Variants in SVOPL observed in about 807,000 individuals in gnomAD.
SVOPL encodes putative transporter SVOPL.
A neutral mutation model predicts 61.0 loss-of-function variants in SVOPL; 60 were observed. That is an observed-to-expected ratio of 0.98 (90% CI 0.80 to 1.22). The LOEUF (loss-of-function observed/expected upper bound fraction) is 1.22. SVOPL is among the 50% of genes most tolerant of loss of function. The pLI is 0.00. For missense variants in SVOPL, 662 were observed against 643.9 expected, an observed-to-expected ratio of 1.03 and a Z score of -0.30; for synonymous variants, 279 against 250.0, an observed-to-expected ratio of 1.12 and a Z score of -1.09.
intron 7 of SVOPL, among the ~76,000 whole-genome samples, chr7:138,654,002 G>A (rs1801575616): frequency 6.6e-6 from 1 of 151,366 alleles, no homozygotes; most frequent in African/African-American, 2.4e-5. Flanking sequence ...GTGTGGTGGT[G>A]CACTCCTGTA....
intron 9 of SVOPL, among the ~76,000 whole-genome samples, chr7:138,633,129 T>C (rs551690625): frequency 6.6e-6 from 1 of 152,310 alleles, no homozygotes; most frequent in East Asian, 1.9e-4. Context: ...CTGACGCTGT[T>C]ATAGTAGCTT....
intron 9 of SVOPL, among the ~76,000 whole-genome samples, chr7:138,637,487 GATAGATATATAT>G (rs1172488697): frequency 0.073 from 1,374 of 18,890 alleles, 22 homozygotes; most frequent in East Asian, 0.21. Context: ...TATAGATATA[GATAGATATATAT>G]ATATATATAT....
intron 14 of SVOPL, among the ~76,000 whole-genome samples, chr7:138,612,428 AT>A (rs1321493452): frequency 0.017 from 294 of 17,718 alleles, 51 homozygotes; most frequent in South Asian, 0.034. Flanking sequence ...AAAAAATAAA[AT>A]AAAAAATAAA....
chr7:138,607,598 T>C (rs938863881), intron 14 of SVOPL, among the ~76,000 whole-genome samples: 1 of 152,090 alleles, frequency 6.6e-6, no homozygotes. Flanking sequence ...ACTGGAGACC[T>C]TACCAAGAAT....
intron 1 of SVOPL, among the ~76,000 whole-genome samples, chr7:138,680,660 GCT>G (rs1802681001): frequency 1.3e-5 from 2 of 151,872 alleles, no homozygotes; most frequent in African/African-American, 4.8e-5. Context: ...CTCACTGCAA[GCT>G]CTGCCTCCCG....
At chr7:138,641,898 ACAGTC>A (rs1800821927) in intron 9 of SVOPL, among the ~76,000 whole-genome samples, 1 of 120,976 alleles carries the variant, frequency 8.3e-6, no homozygotes, top group Non-Finnish European at 1.7e-5. Context: ...ATGGGTATAT[ACAGTC>A]AATGAGTATA....
At chr7:138,604,796 C>A (rs1175095646) in intron 14 of SVOPL, among the ~76,000 whole-genome samples, 8 of 142,266 alleles carry the variant, frequency 5.6e-5, no homozygotes, top group Admixed American at 4.9e-4. Context: ...GAAATAAAAA[C>A]AAAAGCTTAA....
At chr7:138,624,310 C>T (rs1036384996) in intron 13 of SVOPL, among the ~76,000 whole-genome samples, 1 of 152,186 alleles carries the variant, frequency 6.6e-6, no homozygotes, top group Admixed American at 6.5e-5. Flanking sequence ...CTTCTTTCAT[C>T]TCCTTTTAAT....
intron 14 of SVOPL, among the ~76,000 whole-genome samples, chr7:138,618,720 GAGAGGA>G (rs1364312444): frequency 6.6e-6 from 1 of 150,470 alleles, no homozygotes; most frequent in East Asian, 2.0e-4. Context: ...GAGAGAGAGA[GAGAGGA>G]AGGAAGGAAG....
chr7:138,626,919 C>G (rs539821901), intron 12 of SVOPL, among the ~76,000 whole-genome samples: 1 of 152,056 alleles, frequency 6.6e-6, no homozygotes, highest in East Asian at 1.9e-4. Flanking sequence ...GCTTGTAGAA[C>G]AAATGATACA....
intron 8 of SVOPL, among the ~76,000 whole-genome samples, chr7:138,647,328 C>T (rs1801167251): frequency 6.6e-6 from 1 of 152,032 alleles, no homozygotes; most frequent in African/African-American, 2.4e-5. Flanking sequence ...TTGCGAAGAG[C>T]TGAGATCGCA....
chr7:138,696,230 T>C (rs1803062384), intron 1 of SVOPL, among the ~76,000 whole-genome samples: 3 of 152,106 alleles, frequency 2.0e-5, no homozygotes, highest in African/African-American at 4.8e-5. Context: ...GTTTTTTTTC[T>C]TTTTTCTTTT....
At chr7:138,700,679 A>AAGATGGATGGATGGAT (rs142195076) in intron 1 of SVOPL, among the ~76,000 whole-genome samples, 1 of 148,822 alleles carries the variant, frequency 6.7e-6, no homozygotes, top group African/African-American at 2.5e-5. Context: ...ACCCAGTAAG[A>AAGATGGATGGATGGAT]GGATGGATGG....
intron 14 of SVOPL, among the ~76,000 whole-genome samples, chr7:138,615,295 C>A (rs926410376): frequency 1.3e-5 from 2 of 152,116 alleles, no homozygotes; most frequent in Non-Finnish European, 2.9e-5. Flanking sequence ...CGATGGCTCA[C>A]GCCTGTAATC....
chr7:138,607,796 T>C (rs1798821402), intron 14 of SVOPL, among the ~76,000 whole-genome samples: 1 of 152,200 alleles, frequency 6.6e-6, no homozygotes, highest in Admixed American at 6.5e-5. Context: ...AAATGCTGAT[T>C]GGAAGCATTC....
chr7:138,620,119 G>GTTTTTTTT lies in SVOPL; in HGVS notation c.1353+926_1353+927insAAAAAAAA, dbSNP rs375556204. 1.7e-3 allele frequency among the ~76,000 whole-genome samples: 199 copies of GTTTTTTTT among 114,500 alleles called. 4 individuals are homozygous for GTTTTTTTT. The highest frequency in any genetic ancestry group is 2.7e-3 in the Non-Finnish European group (145 of 54,642). 75.1% of individuals were successfully genotyped at this position (114,500 alleles called of 152,430 possible). ...TTTTTTTCTTTTTTGTTTTTTTTCTGTTTTGTTTTTTTTTTTTTTTTGAGA... is the reference window on the plus strand; with the variant it reads ...TTTTTTTCTTTTTTGTTTTTTTTCTGTTTTTTTTTTTTGTTTTTTTTTTTTTTTTGAGA... On this transcript the variant is annotated intron_variant, in intron 14 of 15. Transcript: ENST00000674285.
chr7:138,674,932 G>C (rs993797336), intron 3 of SVOPL, among the ~76,000 whole-genome samples: 8 of 151,870 alleles, frequency 5.3e-5, no homozygotes, highest in African/African-American at 1.9e-4. Flanking sequence ...AGGTGGAGGA[G>C]AGTTAATAGT....
chr7:138,649,175 G>A, intron 7 of SVOPL, 38 bp from the exon 8 acceptor site: 1 of 1,530,330 alleles, frequency 6.5e-7, no homozygotes, highest in Non-Finnish European at 8.7e-7. Flanking sequence ...GTTCTTTGGG[G>A]AATTATGACA....
At chr7:138,625,376 G>A (rs1448497812) in intron 13 of SVOPL, among the ~76,000 whole-genome samples, 2 of 152,048 alleles carry the variant, frequency 1.3e-5, no homozygotes, top group Non-Finnish European at 2.9e-5. Flanking sequence ...GTAGCTCAAC[G>A]AATGACAAAA....
Sources: allele counts gnomAD v4.1 joint callset (sites outside exome capture counted in the v4.1 genomes callset), GRCh38; gene constraint gnomAD v4.1.1; transcripts MANE v1.5; gene names NCBI Gene and HGNC (gene_info 2026-07-23, HGNC 2026-07-21).